The following RBFOX1 variants were observed in gnomAD, a reference collection of about 807,000 sequenced individuals.
The protein encoded by RBFOX1 is RNA binding protein fox-1 homolog 1.
In RBFOX1, 8 loss-of-function variants were observed where a neutral mutation model predicts 57.7. The ratio of observed to expected loss-of-function variants is 0.14; its 90% CI spans 0.08 to 0.25. The LOEUF (loss-of-function observed/expected upper bound fraction) is 0.25. Among genes scored for constraint, RBFOX1 ranks in the 10% least tolerant of loss-of-function variants. The pLI is 1.00. For synonymous variants in RBFOX1, 326 were observed against 222.4 expected (o/e 1.47, Z -4.15); for missense variants, 611 against 548.5 (o/e 1.11, Z -1.14).
chr16:6,633,042 T>C lies in RBFOX1; in HGVS notation c.-63-21561T>C, dbSNP rs140995303. On this transcript the variant is annotated intron_variant, in intron 2 of 15. Transcript: ENST00000550418. ...TTGAAAAATAAATACTTGATGTGTT[T>C]TCCTGGAGTTGAGCTGGCTTCTTCC... 7.8e-3 allele frequency among the ~76,000 whole-genome samples: 1,181 copies of C among 152,250 alleles called. 8 individuals carry two copies. Among genetic ancestry groups the C allele is most frequent in the Non-Finnish European group, 0.013 (867 of 68,012 alleles).
At chr16:6,943,501 G>T (rs184357262) in intron 3 of RBFOX1, among the ~76,000 whole-genome samples, 177 of 152,272 alleles carry the variant, frequency 1.2e-3, no homozygotes, top group African/African-American at 4.1e-3. Flanking sequence ...AAGGTCAGGA[G>T]ATTGAGACCA....
rs1296451917 is a variant in RBFOX1 at position 7,710,281 on chromosome 16, A to G, written c.1072-342A>G. The G allele has an allele frequency of 6.2e-6, 7 of 1,121,358 alleles. No homozygotes were observed. In the African/African-American group the frequency reaches 8.3e-5, roughly 13 times the overall value. The allele number at this position is 1,121,358 out of a possible 1,614,324, so 69.5% of individuals were successfully genotyped here. A position where few individuals can be genotyped will look rare whatever the true frequency, so the allele number is the denominator to read the frequency against. On this transcript the variant is annotated intron_variant, in intron 15 of 15. Transcript: ENST00000550418. The stretch of plus-strand genomic sequence containing the variant: ...GGAATGTGTTGGAGAGTTGAATTAC[A>G]TTCAACAACTGGTCCAAATTCAACC...
chr16:5,880,048 C>T (rs1056750297), intron 4 of RBFOX1, among the ~76,000 whole-genome samples: 3 of 152,142 alleles, frequency 2.0e-5, no homozygotes, highest in African/African-American at 2.4e-5. Context: ...CAGTGAGGCC[C>T]GTGACAGTGA....
At chr16:6,250,739 C>T (rs558857283) in intron 1 of RBFOX1, among the ~76,000 whole-genome samples, 3 of 152,154 alleles carry the variant, frequency 2.0e-5, no homozygotes, top group East Asian at 1.9e-4. Context: ...AACCAGGGCA[C>T]TTCCCAGCTT....
intron 4 of RBFOX1, among the ~76,000 whole-genome samples, chr16:7,436,791 G>A (rs372813135): frequency 1.3e-5 from 2 of 152,152 alleles, no homozygotes; most frequent in African/African-American, 4.8e-5. Context: ...GCCTGGTGCA[G>A]TGGCTCATAC....
intron 3 of RBFOX1, among the ~76,000 whole-genome samples, chr16:7,039,285 A>G (rs1362096666): frequency 6.6e-6 from 1 of 152,206 alleles, no homozygotes; most frequent in Admixed American, 6.5e-5. Context: ...AGCCTTGACA[A>G]GCTCTTTCGT....
At chr16:6,982,313 A>T (rs968658809) in intron 3 of RBFOX1, among the ~76,000 whole-genome samples, 1 of 152,176 alleles carries the variant, frequency 6.6e-6, no homozygotes, top group African/African-American at 2.4e-5. Context: ...TTTGATCTTT[A>T]CAGAAACCCA....
chr16:5,555,077 T>C (rs2045617714), intron 2 of RBFOX1, among the ~76,000 whole-genome samples: 2 of 152,082 alleles, frequency 1.3e-5, no homozygotes, highest in Admixed American at 1.3e-4. Flanking sequence ...ATGTACTCTT[T>C]TGTGTGTTTG....
intron 14 of RBFOX1, among the ~76,000 whole-genome samples, chr16:7,706,284 A>T (rs1363650675): frequency 1.3e-5 from 2 of 152,222 alleles, no homozygotes; most frequent in African/African-American, 4.8e-5. Context: ...TCATAATAAA[A>T]CCATTGGATT....
At chr16:5,346,048 A>G (rs1780273723) in intron 1 of RBFOX1, among the ~76,000 whole-genome samples, 1 of 152,124 alleles carries the variant, frequency 6.6e-6, no homozygotes, top group Admixed American at 6.5e-5. Flanking sequence ...GAGACTTGGA[A>G]CCTGAAAGGC....
chr16:7,454,975 A>G (rs942117191), intron 4 of RBFOX1, among the ~76,000 whole-genome samples: 4 of 152,168 alleles, frequency 2.6e-5, no homozygotes, highest in African/African-American at 9.7e-5. Context: ...TTCCAATAAT[A>G]AAGCCCATTT....
intron 4 of RBFOX1, among the ~76,000 whole-genome samples, chr16:7,096,931 C>A (rs1349063896): frequency 6.1e-3 from 421 of 68,994 alleles, no homozygotes; most frequent in Non-Finnish European, 6.9e-3. Flanking sequence ...GACTCCATCT[C>A]AAAAAAAAAA....
chr16:7,476,048 C>A (rs1469267619), intron 4 of RBFOX1, among the ~76,000 whole-genome samples: 5 of 152,130 alleles, frequency 3.3e-5, no homozygotes, highest in African/African-American at 1.2e-4. Context: ...TCACTGCAGC[C>A]TCAGCCTCCT....
chr16:5,408,242 A>G (rs2066916686), intron 1 of RBFOX1, among the ~76,000 whole-genome samples: 1 of 152,196 alleles, frequency 6.6e-6, no homozygotes, highest in Admixed American at 6.5e-5. Flanking sequence ...AGAGAAAGTG[A>G]AAGGGGCCAT....
intron 2 of RBFOX1, among the ~76,000 whole-genome samples, chr16:6,633,397 C>A (rs988186020): frequency 1.3e-5 from 2 of 152,150 alleles, no homozygotes; most frequent in Non-Finnish European, 2.9e-5. Context: ...TGTGCCTCAG[C>A]CTCCCAAGTA....
At chr16:5,721,775 G>A in intron 3 of RBFOX1, among the ~76,000 whole-genome samples, 1 of 152,042 alleles carries the variant, frequency 6.6e-6, no homozygotes, top group East Asian at 1.9e-4. Context: ...TTATTCCCTG[G>A]ATTCTCTAAC....
chr16:7,677,126 T>TACACACAC (rs1314598196), intron 14 of RBFOX1, among the ~76,000 whole-genome samples: 15 of 51,170 alleles, frequency 2.9e-4, no homozygotes, highest in African/African-American at 6.5e-4. Flanking sequence ...CTTGCTCACA[T>TACACACAC]ACACATACAC....
intron 4 of RBFOX1, among the ~76,000 whole-genome samples, chr16:7,420,367 T>C (rs2098528734): frequency 6.6e-6 from 1 of 152,178 alleles, no homozygotes; most frequent in Non-Finnish European, 1.5e-5. Context: ...TGAATACTGG[T>C]TCAAAGAGAT....
intron 3 of RBFOX1, among the ~76,000 whole-genome samples, chr16:6,770,894 A>C (rs2078181326): frequency 1.3e-5 from 2 of 152,154 alleles, no homozygotes; most frequent in African/African-American, 4.8e-5. Context: ...CAGTGACACA[A>C]AATGATGTGC....
Sources: gnomAD v4.1 joint callset for allele counts (sites outside exome capture counted in the v4.1 genomes callset) on GRCh38, gnomAD v4.1.1 for gene constraint, MANE v1.5 for transcripts, NCBI Gene and HGNC (gene_info 2026-07-23, HGNC 2026-07-21) for gene names.